Variants in MARK4 observed in about 807,000 individuals in gnomAD.
MARK4 encodes MAP/microtubule affinity-regulating kinase 4.
A neutral mutation model predicts 81.5 loss-of-function variants in MARK4; 19 were observed. The observed-to-expected ratio is 0.23, with a 90% CI of 0.16 to 0.34. The LOEUF is 0.34. MARK4 is among the 10% of genes least tolerant of loss of function. The pLI is 1.00. For missense variants in MARK4, 772 were observed against 1,058.8 expected (o/e 0.73, Z 3.76); for synonymous variants, 436 against 439.0 (o/e 0.99, Z 0.08).
At chr19:45,276,482 CTT>C (rs754385304) in intron 8 of MARK4, among the ~76,000 whole-genome samples, 2 of 152,130 alleles carry the variant, frequency 1.3e-5, no homozygotes, top group African/African-American at 2.4e-5. Flanking sequence ...GAGTGTGTCT[CTT>C]TGGACAGCAG....
chr19:45,263,500 G>C (rs894859319), intron 4 of MARK4, 133 bp downstream of exon 4: 8 of 1,080,196 alleles, frequency 7.4e-6, no homozygotes, highest in Non-Finnish European at 9.6e-6. Context: ...CCAGCACTTA[G>C]GGAGGCCGAG....
At chr19:45,268,117 A>G (rs1027264871) in intron 7 of MARK4, among the ~76,000 whole-genome samples, 1 of 151,988 alleles carries the variant, frequency 6.6e-6, no homozygotes, top group Non-Finnish European at 1.5e-5. Flanking sequence ...TTTAAAAGCT[A>G]TTATTAGATT....
chr19:45,255,663 G>A (rs550995876), intron 1 of MARK4, among the ~76,000 whole-genome samples: 98 of 152,196 alleles, frequency 6.4e-4, no homozygotes, highest in Middle Eastern at 3.4e-3. Context: ...TAATAGTGTG[G>A]TAATGGCCTC....
In MARK4 at chr19:45,280,476, A is replaced by T. The variant is rs897629217; in HGVS notation, c.1109A>T (p.Lys370Met). The change falls in exon 11 of 17, where the codon AAG becomes ATG. Residue 370 changes from lysine to methionine, a missense_variant. Physicochemically the swap from Lys to Met is moderately conservative, Grantham distance 95 (BLOSUM62 -1). Coordinates refer to ENST00000262891, the MANE Select transcript of MARK4 (RefSeq NM_001199867.2). ...VTATYLLLGRKTEEGGDRGAP... is the reference protein window; with the variant it reads ...VTATYLLLGRMTEEGGDRGAP... ...GCCACCTACCTCCTGCTGGGCAGGA[A>T]GACTGAGGTCAGGGGGCGCCAGGGG... The T allele has an allele frequency of 1.2e-6, 2 of 1,614,148 alleles. No individual in the cohort carries two copies. The highest frequency in any genetic ancestry group is 1.7e-5 in the Admixed American group (1 of 60,020).
chr19:45,257,012 G>T (rs913367640), intron 1 of MARK4, among the ~76,000 whole-genome samples: 2 of 151,684 alleles, frequency 1.3e-5, no homozygotes, highest in Non-Finnish European at 2.9e-5. Context: ...GGAGTGCAGT[G>T]GCATGATCAT....
intron 1 of MARK4, among the ~76,000 whole-genome samples, chr19:45,258,212 C>T (rs1008558225): frequency 2.6e-5 from 4 of 151,818 alleles, no homozygotes; most frequent in African/African-American, 9.7e-5. Flanking sequence ...GTCTCGAACT[C>T]CTGACCTCAT....
intron 13 of MARK4, 142 bp downstream of exon 13, chr19:45,287,806 A>C (rs761868504): frequency 7.2e-6 from 7 of 972,144 alleles, no homozygotes; most frequent in African/African-American, 1.6e-5. Context: ...ACAAACATTT[A>C]TCGAGTGCCT....
At chr19:45,284,030 T>C (rs1210252105) in intron 12 of MARK4, among the ~76,000 whole-genome samples, 1 of 152,122 alleles carries the variant, frequency 6.6e-6, no homozygotes, top group African/African-American at 2.4e-5. Flanking sequence ...TTTTTTTTCT[T>C]TTTTTGAGAC....
Position 45,251,610 on chromosome 19 carries a change from GC to G in MARK4, c.26del (p.Pro9ArgfsTer54). The G allele has an allele frequency of 1.3e-6, 2 of 1,497,586 alleles. No homozygotes were observed. The highest frequency in any genetic ancestry group is 1.3e-5 in the South Asian group (1 of 75,556). 92.8% of individuals were successfully genotyped at this position (1,497,586 alleles called of 1,614,324 possible). A position where few individuals can be genotyped will look rare whatever the true frequency, so the allele number is the denominator to read the frequency against. On this transcript the variant is annotated frameshift_variant, in exon 1 of 17. Coordinates refer to ENST00000262891, the MANE Select transcript of MARK4 (RefSeq NM_001199867.2). LOFTEE classifies it high-confidence loss of function. MSSRTVL[A>X]PGNDRNSDTH... is the part of the protein sequence containing the mutation. Reference sequence around the variant, plus strand: ...GAAGATGTCTTCGCGGACGGTGCTGGCCCCGGGCAACGATCGGAACTCGGAC... The same window carrying G: ...GAAGATGTCTTCGCGGACGGTGCTGGCCCGGGCAACGATCGGAACTCGGAC...
At chr19:45,255,532 G>A (rs1416193615) in intron 1 of MARK4, among the ~76,000 whole-genome samples, 1 of 138,318 alleles carries the variant, frequency 7.2e-6, no homozygotes, top group Non-Finnish European at 1.5e-5. Flanking sequence ...TTGCACTCCA[G>A]CCTGGGCAAC....
intron 1 of MARK4, among the ~76,000 whole-genome samples, chr19:45,256,414 G>T (rs1488780316): frequency 1.3e-5 from 2 of 152,234 alleles, no homozygotes; most frequent in Admixed American, 1.3e-4. Flanking sequence ...TCCAGCTTGG[G>T]CAACAAGAGT....
In MARK4 at chr19:45,251,334, C is replaced by A; in HGVS notation, c.-255C>A. On this transcript the variant is annotated 5_prime_UTR_variant, in exon 1 of 17. Coordinates refer to ENST00000262891, the MANE Select transcript of MARK4 (RefSeq NM_001199867.2). ...GCTTGGGCCGGCTCCGCGCCCCCTCCGCGGCCCCCGCCCGCCCGCCTGCCC... is the reference window on the plus strand; with the variant it reads ...GCTTGGGCCGGCTCCGCGCCCCCTCAGCGGCCCCCGCCCGCCCGCCTGCCC... 1 of 150,666 alleles carries A rather than the reference C, an allele frequency of 6.6e-6. No individual in the cohort carries two copies. The highest frequency in any genetic ancestry group is 1.8e-4 in the South Asian group (1 of 5,458). The allele number at this position is 150,666 out of a possible 1,614,324, so 9.3% of individuals were successfully genotyped here.
In MARK4 at chr19:45,288,974, C is replaced by T. The variant is rs1036397351; in HGVS notation, c.1494+1310C>T. Among the ~76,000 whole-genome samples the T allele has an allele frequency of 8.5e-5, 13 of 152,266 alleles. No individual in the cohort carries two copies. The East Asian group carries it at 1.5e-3, about 18-fold the overall frequency. ...CTGCACATGTTCAGTAGCCGCCCCA[C>T]GTGGCTGTGCCCTTGGCCTTTCGAG... On this transcript the variant is annotated intron_variant, in intron 13 of 16. Coordinates refer to ENST00000262891, the MANE Select transcript of MARK4 (RefSeq NM_001199867.2).
In MARK4 at chr19:45,297,603, G is replaced by A. The variant is rs922460026; in HGVS notation, c.1599-73G>A. The stretch of plus-strand genomic sequence containing the variant: ...CAGTCCCTGGTCTCAGGACAGGAAT[G>A]TGAAGAATCAAAGGGACTGGGGCCC... On this transcript the variant is annotated intron_variant, in intron 14 of 16. Transcript: ENST00000262891. The A allele has an allele frequency of 3.3e-6, 3 of 902,068 alleles. No individual in the cohort carries two copies. The African/African-American group carries it at 5.0e-5, about 15-fold the overall frequency. The allele number at this position is 902,068 out of a possible 1,614,324, so 55.9% of individuals were successfully genotyped here. A position where few individuals can be genotyped will look rare whatever the true frequency, so the allele number is the denominator to read the frequency against.
At chr19:45,269,167 T>G (rs1291227431) in intron 7 of MARK4, among the ~76,000 whole-genome samples, 1 of 151,940 alleles carries the variant, frequency 6.6e-6, no homozygotes, top group Non-Finnish European at 1.5e-5. Context: ...TCACCTGAGG[T>G]CAGGAGTTCG....
Position 45,280,634 on chromosome 19 carries a change from C to T in MARK4, c.1176C>T (p.Asp392=), listed in dbSNP as rs1970661553. ...TGGCACGGGTGCGGGCGCCCAGCGA[C>T]ACCACCAACGGAACAAGTTCCAGCA... is the stretch of plus-strand genomic sequence containing the variant. ...LALARVRAPS[D]TTNGTSSSKG... is the part of the protein sequence containing the mutation. Residue 392 remains aspartate, a synonymous_variant, in exon 12 of 17, where the codon GAC becomes GAT. Coordinates refer to ENST00000262891, the MANE Select transcript of MARK4 (RefSeq NM_001199867.2). The T allele has an allele frequency of 1.2e-6, 2 of 1,614,166 alleles. No homozygotes were observed. The highest frequency in any genetic ancestry group is 1.7e-6 in the Non-Finnish European group (2 of 1,180,000).
chr19:45,259,914 C>G (rs913245530), intron 2 of MARK4, among the ~76,000 whole-genome samples: 1 of 151,996 alleles, frequency 6.6e-6, no homozygotes. Context: ...TGATGAAACC[C>G]TGTCTCTATT....
Position 45,280,373 on chromosome 19 carries a change from G to C in MARK4, c.1007-1G>C. 1 of 1,613,040 alleles carries C rather than the reference G, an allele frequency of 6.2e-7. No individual in the cohort carries two copies. Among genetic ancestry groups the C allele is most frequent in the South Asian group, 1.1e-5 (1 of 91,050 alleles). On this transcript the variant is annotated splice_acceptor_variant, in intron 10 of 16. Transcript: ENST00000262891. LOFTEE classifies it high-confidence loss of function. ...AACTTCTCTCCATCCCCCCCTCCCA[G>C]AGGTGATGGTGGGTATGGGCTACAC...
chr19:45,294,932 C>T (rs1370378366), intron 14 of MARK4, among the ~76,000 whole-genome samples: 1 of 152,112 alleles, frequency 6.6e-6, no homozygotes, highest in African/African-American at 2.4e-5. Flanking sequence ...AGGATGAGGA[C>T]ACTGCCCCCC....
Sources: allele counts gnomAD v4.1 joint callset (sites outside exome capture counted in the v4.1 genomes callset), GRCh38; gene constraint gnomAD v4.1.1; transcripts MANE v1.5; gene names NCBI Gene and HGNC (gene_info 2026-07-23, HGNC 2026-07-21).